PCDH9: variants seen among roughly 807,000 people sequenced by gnomAD.
PCDH9 encodes the protein protocadherin 9.
In PCDH9, 24 loss-of-function variants were observed where a neutral mutation model predicts 70.6. The observed-to-expected ratio is 0.34, with a 90% CI of 0.25 to 0.48. The LOEUF (loss-of-function observed/expected upper bound fraction) is 0.48, where lower values mean the gene tolerates loss of function less well. Among genes scored for constraint, PCDH9 ranks in the 20% least tolerant of loss-of-function variants. The probability of loss-of-function intolerance (pLI) is 0.99; values close to 1 mark genes in which losing one functional copy is unlikely to be tolerated. For missense variants in PCDH9, 1,281 were observed against 1,503.6 expected (o/e 0.85, Z 2.45); for synonymous variants, 562 against 558.5 (o/e 1.01, Z -0.09).
chr13:66,858,540 G>C (rs1011151298), intron 3 of PCDH9, among the ~76,000 whole-genome samples: 1 of 152,064 alleles, frequency 6.6e-6, no homozygotes, highest in Non-Finnish European at 1.5e-5. Context: ...TTCCCTCTGT[G>C]TAGAATTTCC....
At chr13:67,073,125 G>C (rs1310278245) in intron 2 of PCDH9, among the ~76,000 whole-genome samples, 1 of 152,054 alleles carries the variant, frequency 6.6e-6, no homozygotes, top group African/African-American at 2.4e-5. Flanking sequence ...AAAATTGCAG[G>C]TTACGTGGTA....
At chr13:66,385,831 T>C (rs1486651881) in intron 4 of PCDH9, among the ~76,000 whole-genome samples, 1 of 152,198 alleles carries the variant, frequency 6.6e-6, no homozygotes, top group Non-Finnish European at 1.5e-5. Flanking sequence ...TAGGGTTTAA[T>C]TGAAACCAAA....
Position 67,225,655 on chromosome 13 carries a change from T to A in PCDH9, c.2786A>T (p.Lys929Met). The part of the protein sequence containing the change: ...DWGPAPPTTF[K>M]PNSPDLAKHY... Reference sequence around the variant, plus strand: ...CTTGGCCAGGTCAGGACTGTTAGGCTTGAATGTTGTTGGAGGTGCCGGGCC... The same window carrying A: ...CTTGGCCAGGTCAGGACTGTTAGGCATGAATGTTGTTGGAGGTGCCGGGCC... Residue 929 changes from lysine (K) to methionine (M), a missense_variant, in exon 2 of 5, where the codon AAG (lysine) becomes ATG (methionine). Coordinates refer to ENST00000377865, the MANE Select transcript of PCDH9 (RefSeq NM_203487.3). 1 of 1,614,154 alleles carries A rather than the reference T, an allele frequency of 6.2e-7. No individual in the cohort carries two copies. Among genetic ancestry groups the A allele is most frequent in the South Asian group, 1.1e-5 (1 of 91,082 alleles).
At chr13:66,325,078 T>C (rs1203393092) in intron 4 of PCDH9, among the ~76,000 whole-genome samples, 2 of 151,986 alleles carry the variant, frequency 1.3e-5, no homozygotes, top group Non-Finnish European at 2.9e-5. Context: ...ATAGTAATAA[T>C]ATAGAAACAA....
At chr13:66,671,342 T>C (rs537687337) in intron 3 of PCDH9, among the ~76,000 whole-genome samples, 2 of 152,168 alleles carry the variant, frequency 1.3e-5, no homozygotes, top group Non-Finnish European at 2.9e-5. Flanking sequence ...ACCTGAAATG[T>C]GGAAGCGACA....
chr13:66,699,734 G>T (rs76808243), intron 3 of PCDH9, among the ~76,000 whole-genome samples: 243 of 152,128 alleles, frequency 1.6e-3, no homozygotes, highest in African/African-American at 5.5e-3. Flanking sequence ...TAAATTTCTC[G>T]CAATAAATTA....
chr13:66,448,106 G>T (rs566958330), intron 4 of PCDH9, among the ~76,000 whole-genome samples: 1 of 152,216 alleles, frequency 6.6e-6, no homozygotes, highest in East Asian at 1.9e-4. Context: ...AAAAATGCTG[G>T]TGGGAAATTT....
intron 4 of PCDH9, among the ~76,000 whole-genome samples, chr13:66,596,344 A>G (rs1566445137): frequency 6.6e-6 from 1 of 151,676 alleles, no homozygotes; most frequent in African/African-American, 2.4e-5. Context: ...AACAGTGTCC[A>G]TTTGTTTTAG....
chr13:67,049,860 G>A (rs1429319806), intron 2 of PCDH9, among the ~76,000 whole-genome samples: 2 of 152,176 alleles, frequency 1.3e-5, no homozygotes. Flanking sequence ...CTGCAGAACT[G>A]CATGCAGCCA....
At chr13:66,982,623 T>C (rs1305218118) in intron 2 of PCDH9, among the ~76,000 whole-genome samples, 1 of 152,182 alleles carries the variant, frequency 6.6e-6, no homozygotes, top group Non-Finnish European at 1.5e-5. Flanking sequence ...CTACCAAGTC[T>C]TCCTCTCAGA....
chr13:66,698,895 C>CTTTTTTTTTTTTTT (rs67333897), intron 3 of PCDH9, among the ~76,000 whole-genome samples: 17 of 61,122 alleles, frequency 2.8e-4, no homozygotes, highest in East Asian at 6.0e-4. Flanking sequence ...CTCAATTCCT[C>CTTTTTTTTTTTTTT]TTTTTTTTTT....
At chr13:66,723,582 C>T (rs538225426) in intron 3 of PCDH9, among the ~76,000 whole-genome samples, 4 of 152,204 alleles carry the variant, frequency 2.6e-5, no homozygotes, top group African/African-American at 9.6e-5. Context: ...GCAAGGATTT[C>T]GCTTGGAACC....
chr13:66,357,237 G>T (rs777506095), intron 4 of PCDH9, among the ~76,000 whole-genome samples: 16 of 151,868 alleles, frequency 1.1e-4, no homozygotes, highest in Non-Finnish European at 1.9e-4. Context: ...GATTCCAATG[G>T]GTAAAGAGAA....
intron 3 of PCDH9, among the ~76,000 whole-genome samples, chr13:66,782,499 G>C (rs2080015341): frequency 6.6e-6 from 1 of 151,902 alleles, no homozygotes; most frequent in Non-Finnish European, 1.5e-5. Context: ...TGAGATATGT[G>C]CTCTAAGTGT....
chr13:66,533,450 T>C (rs967354185), intron 4 of PCDH9, among the ~76,000 whole-genome samples: 8 of 152,068 alleles, frequency 5.3e-5, no homozygotes, highest in Non-Finnish European at 8.8e-5. Flanking sequence ...TTGTAGATCA[T>C]CATAAATTAA....
intron 4 of PCDH9, among the ~76,000 whole-genome samples, chr13:66,590,047 CA>C (rs1038274232): frequency 5.9e-5 from 9 of 151,758 alleles, no homozygotes; most frequent in Non-Finnish European, 1.2e-4. Flanking sequence ...CCTTATTGGC[CA>C]AAATAAAAGC....
chr13:66,563,700 T>C (rs1479941573), intron 4 of PCDH9, among the ~76,000 whole-genome samples: 1 of 152,168 alleles, frequency 6.6e-6, no homozygotes, highest in Admixed American at 6.5e-5. Flanking sequence ...GACATTCACA[T>C]GATTATATTT....
intron 3 of PCDH9, among the ~76,000 whole-genome samples, chr13:66,773,593 G>A (rs959941588): frequency 1.3e-5 from 2 of 150,358 alleles, no homozygotes; most frequent in African/African-American, 2.4e-5. Context: ...TTGCGCTACT[G>A]CACTCCAGCC....
intron 2 of PCDH9, among the ~76,000 whole-genome samples, chr13:66,924,322 AT>A (rs1011443887): frequency 6.6e-6 from 1 of 151,866 alleles, no homozygotes; most frequent in Admixed American, 6.6e-5. Flanking sequence ...TTTTGAAAAT[AT>A]TTTAAAATAT....
Sources: gnomAD v4.1 joint callset for allele counts (sites outside exome capture counted in the v4.1 genomes callset) on GRCh38, gnomAD v4.1.1 for gene constraint, MANE v1.5 for transcripts, NCBI Gene and HGNC (gene_info 2026-07-23, HGNC 2026-07-21) for gene names.